ADGRG1: variants seen among roughly 807,000 people sequenced by gnomAD.
ADGRG1 encodes the protein adhesion G protein-coupled receptor G1.
Under a neutral mutation model 73.5 loss-of-function variants are expected in ADGRG1, and 53 were observed. That is an observed-to-expected ratio of 0.72 (90% confidence interval 0.58 to 0.91). ADGRG1 has a LOEUF of 0.91. Among genes scored for constraint, ADGRG1 ranks in the 40% least tolerant of loss-of-function variants. ADGRG1 has a pLI of 0.00. For synonymous variants in ADGRG1, 394 were observed against 374.4 expected (o/e 1.05, Z -0.60); for missense variants, 795 against 871.8 (o/e 0.91, Z 1.11).
At chr16:57,648,732 C>T (rs1416760580) in intron 1 of ADGRG1, 10 of 983,106 alleles carry the variant, frequency 1.0e-5, no homozygotes, top group East Asian at 2.3e-4. Flanking sequence ...GGCCAGCTGC[C>T]GCGCCACGCA....
intron 1 of ADGRG1, chr16:57,642,646 A>C (rs1367705022): frequency 2.0e-6 from 2 of 984,496 alleles, no homozygotes; most frequent in Non-Finnish European, 2.4e-6. Context: ...GCATTTCTCT[A>C]ATCTGGGGAC....
rs2042910437 is a variant in ADGRG1, at chr16:57,647,285, CCGGAAAGGAAG to C, written c.-35-2966_-35-2956del. On this transcript the variant is annotated intron_variant, in intron 1 of 13. Coordinates refer to ENST00000562631, the MANE Select transcript of ADGRG1 (RefSeq NM_201525.4). ...GGGTTTAACCTTCCATTGCACTCTC[CCGGAAAGGAAG>C]CTTCATGCTCTAAGAATTTCCCCTC... The C allele has an allele frequency of 3.0e-6, 3 of 985,324 alleles. No individual in the cohort carries two copies. In the East Asian group the frequency reaches 3.4e-4, roughly 112 times the overall value. 61.0% of individuals were successfully genotyped at this position (985,324 alleles called of 1,614,324 possible).
chr16:57,659,786 C>T (rs930889989), intron 11 of ADGRG1, 105 bp downstream of exon 11: 12 of 1,218,784 alleles, frequency 9.8e-6, no homozygotes, highest in Non-Finnish European at 1.4e-5. Flanking sequence ...TGACTTCCCT[C>T]CTGGCCTCCT....
intron 1 of ADGRG1, chr16:57,647,646 G>A (rs2043013775): frequency 2.5e-6 from 1 of 395,344 alleles, no homozygotes; most frequent in Non-Finnish European, 3.4e-6. Flanking sequence ...AACCCAGGCA[G>A]TCTGGCTCTA....
intron 6 of ADGRG1, 134 bp from the exon 7 acceptor site, chr16:57,655,742 T>C (rs2045551851): frequency 1.2e-6 from 2 of 1,606,300 alleles, no homozygotes; most frequent in Non-Finnish European, 8.5e-7. Context: ...GCAAAAGTGG[T>C]TCCAGAGGGA....
In ADGRG1 at chr16:57,664,753, A is replaced by G. The variant is rs2047960353; in HGVS notation, c.*1171A>G. The stretch of plus-strand genomic sequence containing the variant: ...GACCGACCTGGTCACTCCTCCTGCC[A>G]ACATTCAGTCTGGTATGTGAGGCGT... On this transcript the variant is annotated 3_prime_UTR_variant, in exon 14 of 14. Transcript: ENST00000562631. The G allele has an allele frequency of 6.5e-6, 1 of 153,272 alleles. No homozygotes were observed. Among genetic ancestry groups the G allele is most frequent in the African/African-American group, 2.4e-5 (1 of 41,446 alleles). 9.5% of individuals were successfully genotyped at this position (153,272 alleles called of 1,614,324 possible).
Position 57,643,594 on chromosome 16 carries a change from A to T in ADGRG1, c.-35-6659A>T, listed in dbSNP as rs2041415250. 3.0e-6 allele frequency: 3 copies of T among 984,278 alleles called. No individual in the cohort carries two copies. The African/African-American group carries it at 5.3e-5, about 17-fold the overall frequency. The allele number at this position is 984,278 out of a possible 1,614,324, so 61.0% of individuals were successfully genotyped here. ...GGGTGTCCAGCAGGTCTGGTGTAAGAGTGTGAGGCTCACCCTGGGCAGTGA... is the reference window on the plus strand; with the variant it reads ...GGGTGTCCAGCAGGTCTGGTGTAAGTGTGTGAGGCTCACCCTGGGCAGTGA... On this transcript the variant is annotated intron_variant, in intron 1 of 13. Transcript: ENST00000562631.
At chr16:57,648,849 G>A in intron 1 of ADGRG1, 1 of 288,792 alleles carries the variant, frequency 3.5e-6, no homozygotes, top group Non-Finnish European at 5.2e-6. Context: ...AGGGCCACAG[G>A]TTCCCTGCCA....
Position 57,651,234 on chromosome 16 carries a change from C to T in ADGRG1, c.99C>T (p.Arg33=). ...GCAGGGGCCACAGGGAAGACTTTCG[C>T]TTCTGCAGCCAGCGGAACCAGACAC... ...AHGRGHREDF[R]FCSQRNQTHR... The change falls in exon 3 of 14, where the codon CGC becomes CGT. Residue 33 remains arginine (R), a synonymous_variant. Transcript: ENST00000562631. The T allele has an allele frequency of 6.2e-7, 1 of 1,614,210 alleles. No homozygotes were observed. Among genetic ancestry groups the T allele is most frequent in the Non-Finnish European group, 8.5e-7 (1 of 1,180,030 alleles).
chr16:57,642,436 T>A, intron 1 of ADGRG1: 1 of 985,252 alleles, frequency 1.0e-6, no homozygotes, highest in Non-Finnish European at 1.2e-6. Flanking sequence ...GGGAGGGGGC[T>A]GGAGGTGCTG....
At chr16:57,659,161 C>G (rs534339560) in intron 10 of ADGRG1, 1 of 985,394 alleles carries the variant, frequency 1.0e-6, no homozygotes, top group Admixed American at 6.1e-5. Context: ...GTCTTCCTCG[C>G]TCTGCCTGGC....
At chr16:57,628,470 C>G, upstream of ADGRG1, 2 of 975,764 alleles carry the variant, frequency 2.0e-6, no homozygotes, top group African/African-American at 3.5e-5. Flanking sequence ...ATCACTGCCT[C>G]AGCGCTCTCA....
chr16:57,639,934 A>T, intron 1 of ADGRG1: 1 of 860,748 alleles, frequency 1.2e-6, no homozygotes, highest in Non-Finnish European at 1.4e-6. Flanking sequence ...GGACTTGGGC[A>T]GTTTAAGACA....
intron 1 of ADGRG1, among the ~76,000 whole-genome samples, chr16:57,638,986 C>T (rs931304473): frequency 2.6e-5 from 4 of 151,868 alleles, no homozygotes; most frequent in Admixed American, 2.6e-4. Flanking sequence ...AGGAGAATCG[C>T]TTGAAACTGG....
intron 1 of ADGRG1, among the ~76,000 whole-genome samples, chr16:57,640,497 C>A (rs1416796130): frequency 1.3e-5 from 2 of 152,226 alleles, no homozygotes; most frequent in African/African-American, 4.8e-5. Context: ...ACAATCCTGT[C>A]TTGCATTTTC....
intron 1 of ADGRG1, chr16:57,634,325 C>T: frequency 1.0e-6 from 1 of 985,406 alleles, no homozygotes; most frequent in Non-Finnish European, 1.2e-6. Context: ...AGGGGTGAGC[C>T]CAAGGGGCTG....
intron 3 of ADGRG1, chr16:57,652,097 C>T (rs2044246957): frequency 9.6e-7 from 1 of 1,040,976 alleles, no homozygotes; most frequent in Non-Finnish European, 1.2e-6. Context: ...ATGGGAGAGC[C>T]AGGATTTGAA....
In ADGRG1 at chr16:57,654,091, C is replaced by T. The variant is rs371342603; in HGVS notation, c.726C>T (p.Pro242=). ...ACGCCACGGTGTGGAAGCTCCAGCC[C>T]ACAGCCGGCCTCCAGGACCTGCACA... ...RINATVWKLQ[P]TAGLQDLHIH... is the part of the protein sequence containing the mutation. Residue 242 remains proline (P), a synonymous_variant, in exon 5 of 14, where the codon CCC becomes CCT. Coordinates refer to ENST00000562631, the MANE Select transcript of ADGRG1 (RefSeq NM_201525.4). 272 of 1,613,654 alleles carry T rather than the reference C, an allele frequency of 1.7e-4. No individual in the cohort carries two copies. The highest frequency in any genetic ancestry group is 2.2e-4 in the Non-Finnish European group (258 of 1,180,030).
chr16:57,637,447 G>A (rs1231653212), intron 1 of ADGRG1: 1 of 985,270 alleles, frequency 1.0e-6, no homozygotes, highest in Non-Finnish European at 1.2e-6. Context: ...AAAAGGCGTG[G>A]TGTGCCTCGT....
Sources: gnomAD v4.1 joint callset for allele counts (sites outside exome capture counted in the v4.1 genomes callset) on GRCh38, gnomAD v4.1.1 for gene constraint, MANE v1.5 for transcripts, NCBI Gene and HGNC (gene_info 2026-07-23, HGNC 2026-07-21) for gene names.